ST6GALNAC6: variants seen among roughly 807,000 people sequenced by gnomAD.
The protein encoded by ST6GALNAC6 is ST6 N-acetylgalactosaminide alpha-2,6-sialyltransferase 6, also known as alpha-N-acetylgalactosaminide alpha-2,6-sialyltransferase 6.
A neutral mutation model predicts 34.3 loss-of-function variants in ST6GALNAC6; 19 were observed. That is an observed-to-expected ratio of 0.55 (90% CI 0.39 to 0.81). The LOEUF (loss-of-function observed/expected upper bound fraction) is 0.81. ST6GALNAC6 is among the 40% of genes least tolerant of loss of function. ST6GALNAC6 has a pLI of 0.00. For missense variants in ST6GALNAC6, 377 were observed against 467.7 expected (o/e 0.81, Z 1.79); for synonymous variants, 185 against 182.1 (o/e 1.02, Z -0.13).
upstream of ST6GALNAC6, chr9:127,899,656 G>C (rs1273233097): frequency 1.0e-6 from 1 of 983,708 alleles, no homozygotes; most frequent in East Asian, 1.1e-4. Context: ...CCCGGCCCAG[G>C]CCTGGGAGGT....
In ST6GALNAC6 at chr9:127,897,043, G is replaced by A. The variant is rs1386705575; in HGVS notation, c.27-711C>T. 5.7e-6 allele frequency: 5 copies of A among 880,684 alleles called. No individual in the cohort carries two copies. In the African/African-American group the frequency reaches 7.3e-5, roughly 13 times the overall value. 54.6% of individuals were successfully genotyped at this position (880,684 alleles called of 1,614,324 possible). On this transcript the variant is annotated intron_variant, in intron 2 of 6. Transcript: ENST00000373146. ...AGGCTCGACAGTCTCTGCCAGGGCT[G>A]ACTCCTCATCTGTCAAATGGCTGTA...
intron 6 of ST6GALNAC6, among the ~76,000 whole-genome samples, chr9:127,887,154 C>G (rs552520695): frequency 1.1e-4 from 17 of 152,186 alleles, no homozygotes; most frequent in African/African-American, 4.1e-4. Context: ...CAGTTCTTAT[C>G]CCGTAAGGTT....
chr9:127,897,732 C>T, intron 2 of ST6GALNAC6: 5 of 1,112,332 alleles, frequency 4.5e-6, no homozygotes, highest in Non-Finnish European at 6.2e-6. Context: ...GAGACCTTGG[C>T]ATTCAAGGCG....
At position 127,896,204 on chromosome 9, in the gene ST6GALNAC6, A is replaced by G. The variant is rs781448955; in HGVS notation, c.117+38T>C. ...GGAACCCGTTCCATGGAGGGAAGTGAGAGGCTCAATGGGGTTAAGAAATGA... is the reference window on the plus strand; with the variant it reads ...GGAACCCGTTCCATGGAGGGAAGTGGGAGGCTCAATGGGGTTAAGAAATGA... On this transcript the variant is annotated intron_variant, in intron 3 of 6. Coordinates refer to ENST00000373146, the MANE Select transcript of ST6GALNAC6 (RefSeq NM_013443.5). 5.6e-6 allele frequency: 9 copies of G among 1,603,608 alleles called. No homozygotes were observed. In the Admixed American group the frequency reaches 1.3e-4, roughly 24 times the overall value.
At chr9:127,897,742 G>T in intron 2 of ST6GALNAC6, 1 of 1,212,462 alleles carries the variant, frequency 8.2e-7, no homozygotes, top group Non-Finnish European at 1.1e-6. Flanking sequence ...CATTCAAGGC[G>T]CCCAGGGGTC....
At chr9:127,906,549 C>T (rs931482941), upstream of ST6GALNAC6, among the ~76,000 whole-genome samples, 7 of 152,184 alleles carry the variant, frequency 4.6e-5, no homozygotes, top group South Asian at 2.1e-4. Flanking sequence ...CACAGTTGTC[C>T]GGCTTCAGCT....
rs749142695 is a variant in ST6GALNAC6, at chr9:127,894,560, G to C, written c.249C>G (p.Leu83=). The change falls in exon 4 of 7, where the codon CTC becomes CTG. Residue 83 remains leucine (L), a synonymous_variant. Transcript: ENST00000373146. ...LRGRSRRPVN[L]KKWSITDGYV... ...AGCCGTCAGTGATGCTCCACTTCTT[G>C]AGGTTGACAGGTCGGCGGCTACGGC... The C allele has an allele frequency of 3.1e-6, 5 of 1,614,050 alleles. No individual in the cohort carries two copies. The highest frequency in any genetic ancestry group is 1.6e-4 in the Middle Eastern group (1 of 6,084).
rs1466132880 is a variant in ST6GALNAC6 at position 127,890,611 on chromosome 9, AG to A, written c.704+25del. On this transcript the variant is annotated intron_variant, in intron 5 of 6. Transcript: ENST00000373146. The surrounding 1 kb of genome is among the most constrained non-coding windows in gnomAD (Gnocchi z 4.3). Reference sequence around the variant, plus strand: ...GCTGAGAAGGAGCACAGTGCTGGCCAGAGGGGGCAGGCAGGAGGCTGGTACC... The same window carrying A: ...GCTGAGAAGGAGCACAGTGCTGGCCAAGGGGGCAGGCAGGAGGCTGGTACC... The A allele has an allele frequency of 6.2e-7, 1 of 1,612,826 alleles. No homozygotes were observed.
chr9:127,889,531 C>T (rs2131487426), intron 5 of ST6GALNAC6, among the ~76,000 whole-genome samples: 1 of 151,122 alleles, frequency 6.6e-6, no homozygotes, highest in Non-Finnish European at 1.5e-5. Context: ...GAAACCTCCA[C>T]CTCCCCGGTT....
chr9:127,894,632 G>A lies in ST6GALNAC6; in HGVS notation c.177C>T (p.Tyr59=). ...AGACCTCATTGGCACTGTTGGAGCT[G>A]TAGAGGATGAGGATGGTGATGAGGG... ...LFALITILIL[Y]SSNSANEVFH... The change falls in exon 4 of 7, where the codon TAC becomes TAT. Residue 59 remains tyrosine (Y), a synonymous_variant. Coordinates refer to ENST00000373146, the MANE Select transcript of ST6GALNAC6 (RefSeq NM_013443.5). 6.2e-7 allele frequency: 1 copy of A among 1,614,226 alleles called. No homozygotes were observed. The highest frequency in any genetic ancestry group is 8.5e-7 in the Non-Finnish European group (1 of 1,180,044).
At chr9:127,888,686 A>G (rs1588634055) in intron 5 of ST6GALNAC6, among the ~76,000 whole-genome samples, 1 of 151,232 alleles carries the variant, frequency 6.6e-6, no homozygotes, top group Non-Finnish European at 1.5e-5. Context: ...CGTGCCTGTG[A>G]TTCCAGCTGC....
chr9:127,895,488 A>G (rs889343174), intron 3 of ST6GALNAC6, among the ~76,000 whole-genome samples: 2 of 152,178 alleles, frequency 1.3e-5, no homozygotes, highest in African/African-American at 4.8e-5. Context: ...CCAGTTCTGT[A>G]CTGGAGCCAT....
chr9:127,887,685 T>A, intron 5 of ST6GALNAC6, 94 bp from the exon 6 acceptor site: 3 of 959,158 alleles, frequency 3.1e-6, no homozygotes, highest in Non-Finnish European at 4.8e-6. Context: ...CTGGAACTCC[T>A]CCCATCCACT....
In ST6GALNAC6 at chr9:127,890,517, G is replaced by A. The variant is rs985393945; in HGVS notation, c.704+120C>T. 6 of 1,429,296 alleles carry A rather than the reference G, an allele frequency of 4.2e-6. No individual in the cohort carries two copies. The highest frequency in any genetic ancestry group is 5.7e-6 in the Non-Finnish European group (6 of 1,051,882). 88.5% of individuals were successfully genotyped at this position (1,429,296 alleles called of 1,614,324 possible). A position where few individuals can be genotyped will look rare whatever the true frequency, so the allele number is the denominator to read the frequency against. On this transcript the variant is annotated intron_variant, in intron 5 of 6. Coordinates refer to ENST00000373146, the MANE Select transcript of ST6GALNAC6 (RefSeq NM_013443.5). This position sits in a 1 kb window ranked among gnomAD's most constrained non-coding sequence, Gnocchi z 4.3. ...AACTCTCCTAGGAGGCCCAACCAGA[G>A]GACGGCGGGACTTGACTACCCCTCA...
At chr9:127,898,092 G>A in intron 1 of ST6GALNAC6, 82 bp from the exon 2 acceptor site, 1 of 766,516 alleles carries the variant, frequency 1.3e-6, no homozygotes, top group Non-Finnish European at 2.2e-6. Flanking sequence ...GACACGCGGG[G>A]CTTGAAAGTG....
chr9:127,888,250 T>C (rs1829904281), intron 5 of ST6GALNAC6, among the ~76,000 whole-genome samples: 1 of 152,128 alleles, frequency 6.6e-6, no homozygotes, highest in African/African-American at 2.4e-5. Context: ...ATGCCTGTAA[T>C]CCTGGCACTT....
chr9:127,900,847 T>G (rs1209934169), upstream of ST6GALNAC6, among the ~76,000 whole-genome samples: 1 of 142,972 alleles, frequency 7.0e-6, no homozygotes, highest in Non-Finnish European at 1.5e-5. Flanking sequence ...AGCGAGGCGT[T>G]GTGGCGGGCA....
chr9:127,894,462 A>C, intron 4 of ST6GALNAC6, 50 bp downstream of exon 4: 9 of 1,596,904 alleles, frequency 5.6e-6, no homozygotes, highest in Non-Finnish European at 7.7e-6. Context: ...AGGTGGAGGG[A>C]GTGGTGATGC....
At chr9:127,903,724 C>T (rs1396998031), upstream of ST6GALNAC6, 1 of 152,220 alleles carries the variant, frequency 6.6e-6, no homozygotes, top group Non-Finnish European at 1.5e-5. Context: ...GGATGGAAAA[C>T]CATGGAGTGG....
Sources: allele counts gnomAD v4.1 joint callset (sites outside exome capture counted in the v4.1 genomes callset), GRCh38; gene constraint gnomAD v4.1.1; non-coding constraint Gnocchi (gnomAD v3.1); transcripts MANE v1.5; gene names NCBI Gene and HGNC (gene_info 2026-07-23, HGNC 2026-07-21).